YTHDC2: variants seen among roughly 807,000 people sequenced by gnomAD.
YTHDC2 encodes 3'-5' RNA helicase YTHDC2.
Under a neutral mutation model 174.9 loss-of-function variants are expected in YTHDC2, and 45 were observed. The observed-to-expected ratio is 0.26, with a 90% CI of 0.20 to 0.33. The LOEUF is 0.33. YTHDC2 is among the 10% of genes least tolerant of loss of function. The pLI is 1.00. For missense variants in YTHDC2, 1,650 were observed against 1,723.7 expected (o/e 0.96, Z 0.76); for synonymous variants, 657 against 574.5 (o/e 1.14, Z -2.05).
chr5:113,544,461 T>C (rs116610548), intron 10 of YTHDC2, among the ~76,000 whole-genome samples: 2 of 152,160 alleles, frequency 1.3e-5, no homozygotes, highest in Non-Finnish European at 2.9e-5. Flanking sequence ...AATAATGATA[T>C]TACTTTTAAG....
At position 113,567,512 on chromosome 5, in the gene YTHDC2, T is replaced by C. The variant is rs966268014; in HGVS notation, c.3049-142T>C. 1.1e-5 allele frequency: 8 copies of C among 720,300 alleles called. No homozygotes were observed. In the African/African-American group the frequency reaches 1.3e-4, roughly 12 times the overall value. The allele number at this position is 720,300 out of a possible 1,614,324, so 44.6% of individuals were successfully genotyped here. ...AATGAGTACTTTTGTACGAACTACA[T>C]GAGCGATGACTTGTTTTAATTTTTG... On this transcript the variant is annotated intron_variant, in intron 22 of 29. Coordinates refer to ENST00000161863, the MANE Select transcript of YTHDC2 (RefSeq NM_022828.5).
chr5:113,516,879 G>A (rs1317144330), intron 2 of YTHDC2, among the ~76,000 whole-genome samples: 1 of 152,206 alleles, frequency 6.6e-6, no homozygotes, highest in Non-Finnish European at 1.5e-5. Context: ...ACGGGATTTA[G>A]TTTAGGTGAA....
rs1778560892 is a variant in YTHDC2, at chr5:113,584,370, A to G, written c.3716A>G (p.His1239Arg). The stretch of plus-strand genomic sequence containing the variant: ...AAGTACAAAGATAGAGGAATTTTAC[A>G]TCCTAAACGAGGTACTGAGGACCGA... Reference protein sequence around the residue: ...PQKYKDRGILHPKRGTEDRSD... With the variant: ...PQKYKDRGILRPKRGTEDRSD... Residue 1239 changes from histidine to arginine, a missense_variant, in exon 26 of 30, where the codon CAT (histidine) becomes CGT (arginine). Coordinates refer to ENST00000161863, the MANE Select transcript of YTHDC2 (RefSeq NM_022828.5). 1.2e-6 allele frequency: 2 copies of G among 1,613,892 alleles called. No individual in the cohort carries two copies. Among genetic ancestry groups the G allele is most frequent in the African/African-American group, 1.3e-5 (1 of 75,022 alleles).
At chr5:113,555,924 T>G (rs1188329349) in intron 16 of YTHDC2, 128 bp from the exon 17 acceptor site, 3 of 540,284 alleles carry the variant, frequency 5.6e-6, no homozygotes, top group East Asian at 3.0e-5. Flanking sequence ...TACTGCTGTT[T>G]TAATTATTTA....
chr5:113,542,564 T>G (rs1775561810), intron 10 of YTHDC2, 61 bp downstream of exon 10: 1 of 1,488,210 alleles, frequency 6.7e-7, no homozygotes, highest in Non-Finnish European at 9.0e-7. Flanking sequence ...AAGTATAGTT[T>G]AATTCAAAAC....
At chr5:113,535,565 G>C in intron 6 of YTHDC2, 77 bp from the exon 7 acceptor site, 1 of 1,353,528 alleles carries the variant, frequency 7.4e-7, no homozygotes, top group East Asian at 2.5e-5. Flanking sequence ...GTAAAACCCA[G>C]TGGTGCCATT....
intron 28 of YTHDC2, 158 bp downstream of exon 28, chr5:113,592,336 A>G (rs773036709): frequency 2.1e-5 from 13 of 628,202 alleles, no homozygotes; most frequent in Middle Eastern, 4.6e-4. Context: ...GTAAAAACCT[A>G]CTTGTAAATG....
At chr5:113,521,010 A>G (rs1336069588) in intron 2 of YTHDC2, among the ~76,000 whole-genome samples, 1 of 152,170 alleles carries the variant, frequency 6.6e-6, no homozygotes, top group Non-Finnish European at 1.5e-5. Flanking sequence ...GTGAGCATGC[A>G]GTATTTGGAT....
At chr5:113,567,881 G>A (rs762781772) in intron 23 of YTHDC2, 32 bp downstream of exon 23, 1 of 1,410,562 alleles carries the variant, frequency 7.1e-7, no homozygotes, top group Non-Finnish European at 9.3e-7. Context: ...AAATCTATTT[G>A]AAATGAATTT....
intron 23 of YTHDC2, among the ~76,000 whole-genome samples, chr5:113,568,729 A>G (rs1777523568): frequency 6.6e-6 from 1 of 152,212 alleles, no homozygotes; most frequent in African/African-American, 2.4e-5. Flanking sequence ...GCTGCATAGT[A>G]TCCCATGGTG....
At chr5:113,537,942 G>A (rs965019422) in intron 7 of YTHDC2, among the ~76,000 whole-genome samples, 1 of 151,914 alleles carries the variant, frequency 6.6e-6, no homozygotes, top group South Asian at 2.1e-4. Flanking sequence ...TATGCTAATC[G>A]AAAGCTCATT....
At chr5:113,589,537 G>C (rs1778898560) in intron 26 of YTHDC2, among the ~76,000 whole-genome samples, 3 of 150,790 alleles carry the variant, frequency 2.0e-5, no homozygotes, top group Non-Finnish European at 3.0e-5. Context: ...GAACAACCTG[G>C]GCAACATAGG....
intron 2 of YTHDC2, among the ~76,000 whole-genome samples, chr5:113,523,649 G>A (rs1413492545): frequency 6.6e-6 from 1 of 151,936 alleles, no homozygotes; most frequent in Non-Finnish European, 1.5e-5. Flanking sequence ...TAACAACCTA[G>A]AAAGCTTAAA....
chr5:113,548,612 G>T lies in YTHDC2; in HGVS notation c.1567G>T (p.Val523Leu), dbSNP rs1323559033. ...VAAGRGFASQVEQLISMGANV... is the reference protein window; with the variant it reads ...VAAGRGFASQLEQLISMGANV... ...TGCAGGACGTGGCTTTGCAAGTCAA[G>T]TAGAACAGTTAATCAGTATGGGAGC... Residue 523 changes from valine to leucine, a missense_variant, in exon 11 of 30, where the codon GTA (valine) becomes TTA (leucine). Coordinates refer to ENST00000161863, the MANE Select transcript of YTHDC2 (RefSeq NM_022828.5). The T allele has an allele frequency of 1.9e-6, 3 of 1,613,368 alleles. No homozygotes were observed. The South Asian group carries it at 3.3e-5, about 18-fold the overall frequency.
At chr5:113,568,879 G>A (rs1302762804) in intron 23 of YTHDC2, among the ~76,000 whole-genome samples, 3 of 151,828 alleles carry the variant, frequency 2.0e-5, no homozygotes, top group Non-Finnish European at 4.4e-5. Context: ...TATTCCTTTG[G>A]GTATTTACCC....
At position 113,594,646 on chromosome 5, in the gene YTHDC2, A is replaced by AAAAT. The variant is rs1419716097; in HGVS notation, c.*1174_*1177dup. 6.6e-6 allele frequency: 1 copy of AAAAT among 152,128 alleles called. No individual in the cohort carries two copies. 9.4% of individuals were successfully genotyped at this position (152,128 alleles called of 1,614,324 possible). A position where few individuals can be genotyped will look rare whatever the true frequency, so the allele number is the denominator to read the frequency against. On this transcript the variant is annotated 3_prime_UTR_variant, in exon 30 of 30. Transcript: ENST00000161863. ...ATTTCCTTAGAGACTTTTTGAAGGG[A>AAAAT]AAATAGAGCAACAGGGAAAAATGAA...
rs1232252666 is a variant in YTHDC2, at chr5:113,593,605, A to G, written c.*131A>G. ...AACACTTTTAGAGTGTTGCTTTAGAACTACCATCTTCATATACAGGAGAAA... is the reference window on the plus strand; with the variant it reads ...AACACTTTTAGAGTGTTGCTTTAGAGCTACCATCTTCATATACAGGAGAAA... On this transcript the variant is annotated 3_prime_UTR_variant, in exon 30 of 30. Coordinates refer to ENST00000161863, the MANE Select transcript of YTHDC2 (RefSeq NM_022828.5). 5.4e-6 allele frequency: 2 copies of G among 372,660 alleles called. No homozygotes were observed. Among genetic ancestry groups the G allele is most frequent in the Admixed American group, 8.1e-5 (2 of 24,668 alleles). The allele number at this position is 372,660 out of a possible 1,614,324, so 23.1% of individuals were successfully genotyped here.
intron 7 of YTHDC2, among the ~76,000 whole-genome samples, chr5:113,536,950 T>G (rs1356981899): frequency 6.6e-6 from 1 of 152,254 alleles, no homozygotes; most frequent in Non-Finnish European, 1.5e-5. Context: ...TAGTTCTTTA[T>G]TTTAAGCACC....
chr5:113,527,824 T>C (rs991559784), intron 4 of YTHDC2, among the ~76,000 whole-genome samples: 1 of 152,172 alleles, frequency 6.6e-6, no homozygotes, highest in Non-Finnish European at 1.5e-5. Flanking sequence ...AGTCTCTGTC[T>C]GTCACCCAGG....
Sources: gnomAD v4.1 joint callset for allele counts (sites outside exome capture counted in the v4.1 genomes callset) on GRCh38, gnomAD v4.1.1 for gene constraint, MANE v1.5 for transcripts, NCBI Gene and HGNC (gene_info 2026-07-23, HGNC 2026-07-21) for gene names.